PLXDC2: variants seen among roughly 807,000 people sequenced by gnomAD.
PLXDC2 encodes the protein plexin domain containing 2.
In PLXDC2, 40 loss-of-function variants were observed where a neutral mutation model predicts 68.9. That is an observed-to-expected ratio of 0.58 (90% confidence interval 0.45 to 0.76). The LOEUF (loss-of-function observed/expected upper bound fraction) is 0.76. Ranked by LOEUF, PLXDC2 falls within the 30% of genes least tolerant of loss-of-function variation. PLXDC2 has a pLI of 0.00. For missense variants in PLXDC2, 644 were observed against 661.9 expected, an observed-to-expected ratio of 0.97 and a Z score of 0.30; for synonymous variants, 243 against 234.2, an observed-to-expected ratio of 1.04 and a Z score of -0.34.
chr10:20,024,249 G>T (rs1835359363), intron 2 of PLXDC2, among the ~76,000 whole-genome samples: 1 of 152,106 alleles, frequency 6.6e-6, no homozygotes, highest in South Asian at 2.1e-4. Flanking sequence ...TTACATAAGG[G>T]AACCAAATAT....
At chr10:20,122,001 T>A (rs1460493832) in intron 4 of PLXDC2, among the ~76,000 whole-genome samples, 1 of 151,920 alleles carries the variant, frequency 6.6e-6, no homozygotes, top group African/African-American at 2.4e-5. Flanking sequence ...TATCTTATAC[T>A]TGTGGGTTAA....
At chr10:19,970,857 CCT>C (rs1257459304) in intron 1 of PLXDC2, among the ~76,000 whole-genome samples, 7 of 152,078 alleles carry the variant, frequency 4.6e-5, no homozygotes, top group African/African-American at 1.7e-4. Context: ...CACTGATGCC[CCT>C]GAGTAGTCCT....
chr10:20,178,085 G>A (rs916166779), intron 9 of PLXDC2, among the ~76,000 whole-genome samples: 3 of 152,028 alleles, frequency 2.0e-5, no homozygotes, highest in Non-Finnish European at 4.4e-5. Flanking sequence ...AGCAAGGGTG[G>A]TTTATAATAA....
chr10:19,935,617 C>T, intron 1 of PLXDC2, among the ~76,000 whole-genome samples: 1 of 152,164 alleles, frequency 6.6e-6, no homozygotes, highest in Non-Finnish European at 1.5e-5. Flanking sequence ...GGCTCAGCAT[C>T]CAAGAGAACT....
At position 20,162,386 on chromosome 10, in the gene PLXDC2, T is replaced by C. The variant is rs116067757; in HGVS notation, c.784-2082T>C. On this transcript the variant is annotated intron_variant, in intron 6 of 13. Coordinates refer to ENST00000377252, the MANE Select transcript of PLXDC2 (RefSeq NM_032812.9). ...ATGGGAAAAGAAGACAAGCAATAAA[T>C]TACCACAGAATCATCTGGTAAAGCC... Among the ~76,000 whole-genome samples, 1,283 of 152,160 alleles carry C rather than the reference T, an allele frequency of 8.4e-3. 18 individuals carry two copies. Among genetic ancestry groups the C allele is most frequent in the African/African-American group, 0.029 (1,202 of 41,510 alleles).
chr10:20,248,087 C>T (rs1168161821), intron 13 of PLXDC2, among the ~76,000 whole-genome samples: 1 of 152,212 alleles, frequency 6.6e-6, no homozygotes, highest in Admixed American at 6.5e-5. Flanking sequence ...TAACCCCTCA[C>T]ACGTTTAAGC....
chr10:20,138,738 C>T (rs1833964716), intron 4 of PLXDC2, among the ~76,000 whole-genome samples: 1 of 152,074 alleles, frequency 6.6e-6, no homozygotes, highest in Non-Finnish European at 1.5e-5. Flanking sequence ...CATGGTGAAA[C>T]CATGTCTCTA....
intron 4 of PLXDC2, among the ~76,000 whole-genome samples, chr10:20,096,744 C>G (rs948586244): frequency 1.3e-5 from 2 of 152,004 alleles, no homozygotes; most frequent in African/African-American, 4.8e-5. Flanking sequence ...TGTCTGATTA[C>G]TGAGATATAT....
intron 12 of PLXDC2, among the ~76,000 whole-genome samples, chr10:20,238,984 A>G (rs374280368): frequency 2.0e-5 from 3 of 151,988 alleles, no homozygotes; most frequent in African/African-American, 7.2e-5. Flanking sequence ...GCACAGGGCA[A>G]AAAAAGACCT....
intron 2 of PLXDC2, among the ~76,000 whole-genome samples, chr10:20,020,865 G>A (rs1835296314): frequency 6.6e-6 from 1 of 152,076 alleles, no homozygotes; most frequent in South Asian, 2.1e-4. Context: ...GATAAATAGT[G>A]TCCTAAGAGC....
chr10:20,101,963 G>A (rs118136613), intron 4 of PLXDC2, among the ~76,000 whole-genome samples: 9 of 151,584 alleles, frequency 5.9e-5, no homozygotes, highest in African/African-American at 1.5e-4. Context: ...CACCATGCCC[G>A]GCTAATTTTT....
chr10:19,979,999 G>A (rs1228427456), intron 1 of PLXDC2, among the ~76,000 whole-genome samples: 1 of 151,984 alleles, frequency 6.6e-6, no homozygotes, highest in African/African-American at 2.4e-5. Flanking sequence ...GTATATCCTG[G>A]GTACCATTTG....
chr10:19,879,309 A>G (rs1459114344), intron 1 of PLXDC2, among the ~76,000 whole-genome samples: 2 of 152,190 alleles, frequency 1.3e-5, no homozygotes, highest in Non-Finnish European at 2.9e-5. Flanking sequence ...CTATGAGAGT[A>G]TCAGAGTGCT....
chr10:20,050,720 A>G (rs1835883994), intron 3 of PLXDC2, among the ~76,000 whole-genome samples: 2 of 151,886 alleles, frequency 1.3e-5, no homozygotes, highest in East Asian at 1.9e-4. Flanking sequence ...AACAAAACAA[A>G]CAAACAAAAA....
chr10:19,829,723 A>G (rs1296727494), intron 1 of PLXDC2, among the ~76,000 whole-genome samples: 8 of 152,132 alleles, frequency 5.3e-5, no homozygotes, highest in Admixed American at 1.3e-4. Flanking sequence ...GTGAGACTCC[A>G]TATCAAAAGT....
At position 20,223,312 on chromosome 10, in the gene PLXDC2, A is replaced by T. The variant is rs1255731850; in HGVS notation, c.1312+4210A>T. Among the ~76,000 whole-genome samples the T allele has an allele frequency of 4.6e-5, 6 of 131,176 alleles. 1 individual carries two copies. Among genetic ancestry groups the T allele is most frequent in the Admixed American group, 8.1e-5 (1 of 12,342 alleles). 86.1% of individuals were successfully genotyped at this position (131,176 alleles called of 152,430 possible). ...TAGTCCTTCTCTTTCACAGAATTGA[A>T]TTTTTTTTTTTTTTTTTTGAGATGG... On this transcript the variant is annotated intron_variant, in intron 12 of 13. Coordinates refer to ENST00000377252, the MANE Select transcript of PLXDC2 (RefSeq NM_032812.9).
intron 1 of PLXDC2, among the ~76,000 whole-genome samples, chr10:19,962,375 C>A (rs1834169264): frequency 1.5e-5 from 2 of 134,868 alleles, no homozygotes; most frequent in South Asian, 4.8e-4. Context: ...TCTCATGCAC[C>A]CATCTTTACT....
chr10:19,885,715 C>A (rs573106075), intron 1 of PLXDC2, among the ~76,000 whole-genome samples: 1 of 151,912 alleles, frequency 6.6e-6, no homozygotes, highest in South Asian at 2.1e-4. Flanking sequence ...TGATCTATAT[C>A]TCTGTTTTGG....
At chr10:20,021,976 C>T (rs545330053) in intron 2 of PLXDC2, among the ~76,000 whole-genome samples, 154 of 152,304 alleles carry the variant, frequency 1.0e-3, no homozygotes, top group African/African-American at 3.4e-3. Flanking sequence ...GGATTACAGG[C>T]GTGAGCCACC....
Sources: gnomAD v4.1 joint callset for allele counts (sites outside exome capture counted in the v4.1 genomes callset) on GRCh38, gnomAD v4.1.1 for gene constraint, MANE v1.5 for transcripts, NCBI Gene and HGNC (gene_info 2026-07-23, HGNC 2026-07-21) for gene names.